The following RGS12 variants were observed in gnomAD, a reference collection of about 807,000 sequenced individuals.
The protein encoded by RGS12 is regulator of G protein signaling 12.
In RGS12, 66 loss-of-function variants were observed where a neutral mutation model predicts 120.1. That is an observed-to-expected ratio of 0.55 (90% CI 0.45 to 0.67). The LOEUF is 0.67. Among genes scored for constraint, RGS12 ranks in the 30% least tolerant of loss-of-function variants. RGS12 has a pLI of 0.00. For synonymous variants in RGS12, 827 were observed against 804.7 expected, an observed-to-expected ratio of 1.03 and a Z score of -0.47; for missense variants, 1,859 against 1,957.7, an observed-to-expected ratio of 0.95 and a Z score of 0.95.
At position 3,331,465 on chromosome 4, in the gene RGS12, G is replaced by A. The variant is rs565952772; in HGVS notation, c.1882-11472G>A. On this transcript the variant is annotated intron_variant, in intron 2 of 17. Coordinates refer to ENST00000336727, the MANE Select transcript of RGS12 (RefSeq NM_001394154.1). Reference sequence around the variant, plus strand: ...AATTATTTTAATAAGAACAAAGTCGGTGAGAGATGGCCTTGGAAACAAACT... The same window carrying A: ...AATTATTTTAATAAGAACAAAGTCGATGAGAGATGGCCTTGGAAACAAACT... Among the ~76,000 whole-genome samples the A allele has an allele frequency of 1.4e-4, 21 of 152,320 alleles. No homozygotes were observed. The South Asian group carries it at 4.4e-3, about 32-fold the overall frequency.
intron 2 of RGS12, 79 bp downstream of exon 2, chr4:3,318,130 C>A: frequency 1.6e-6 from 2 of 1,287,748 alleles, no homozygotes; most frequent in Non-Finnish European, 2.2e-6. Context: ...TCCCAGTCAC[C>A]AGCTTGCACA....
intron 1 of RGS12, among the ~76,000 whole-genome samples, chr4:3,303,938 T>G (rs1208137680): frequency 6.6e-6 from 1 of 152,118 alleles, no homozygotes; most frequent in Non-Finnish European, 1.5e-5. Context: ...ATCATTCATG[T>G]TTGCCATACT....
At chr4:3,364,600 C>G (rs367833727) in intron 3 of RGS12, among the ~76,000 whole-genome samples, 1 of 152,066 alleles carries the variant, frequency 6.6e-6, no homozygotes, top group South Asian at 2.1e-4. Flanking sequence ...GAGTGCCCGA[C>G]GCTCAGAGGG....
chr4:3,333,971 C>T (rs1222992449), intron 2 of RGS12, among the ~76,000 whole-genome samples: 1 of 152,088 alleles, frequency 6.6e-6, no homozygotes, highest in Non-Finnish European at 1.5e-5. Flanking sequence ...TTGTAATTTC[C>T]TTCATAAACA....
chr4:3,438,223 T>C lies in RGS12; in HGVS notation c.4115-1232T>C, dbSNP rs151049556. Among the ~76,000 whole-genome samples the C allele has an allele frequency of 1.9e-3, 288 of 152,216 alleles. 1 individual carries two copies. Among genetic ancestry groups the C allele is most frequent in the African/African-American group, 6.6e-3 (276 of 41,546 alleles). ...GCGCCTCAAGGCCTCCACCCTGGCATGGACATGACTGTCTCAGGGCCTCAG... is the reference window on the plus strand; with the variant it reads ...GCGCCTCAAGGCCTCCACCCTGGCACGGACATGACTGTCTCAGGGCCTCAG... On this transcript the variant is annotated intron_variant, in intron 17 of 17. Coordinates refer to ENST00000336727, the MANE Select transcript of RGS12 (RefSeq NM_001394154.1).
chr4:3,309,380 G>A (rs1228966057), intron 1 of RGS12, among the ~76,000 whole-genome samples: 18 of 136,438 alleles, frequency 1.3e-4, no homozygotes, highest in South Asian at 2.3e-4. Flanking sequence ...AACCGTGCAG[G>A]GGAGGAGCTG....
At chr4:3,437,409 C>A (rs112573447) in intron 17 of RGS12, among the ~76,000 whole-genome samples, 1 of 152,332 alleles carries the variant, frequency 6.6e-6, no homozygotes, top group African/African-American at 2.4e-5. Context: ...GTGTTGCAGG[C>A]CCCTTCAGAG....
At chr4:3,344,911 G>C (rs575646838) in intron 3 of RGS12, among the ~76,000 whole-genome samples, 1 of 152,374 alleles carries the variant, frequency 6.6e-6, no homozygotes, top group East Asian at 1.9e-4. Context: ...ACTCCTTGGA[G>C]AGGGATCTGA....
chr4:3,364,041 T>C (rs2108857661), intron 3 of RGS12, among the ~76,000 whole-genome samples: 1 of 152,362 alleles, frequency 6.6e-6, no homozygotes, highest in East Asian at 1.9e-4. Context: ...CCCTCTCCGA[T>C]TCTGCACGTG....
At chr4:3,387,518 G>A (rs963940513) in intron 4 of RGS12, among the ~76,000 whole-genome samples, 5 of 152,234 alleles carry the variant, frequency 3.3e-5, no homozygotes, top group Admixed American at 2.0e-4. Flanking sequence ...GGTTACACAC[G>A]CACTGGCACC....
chr4:3,289,320 A>C (rs1722963393), upstream of RGS12, among the ~76,000 whole-genome samples: 1 of 151,924 alleles, frequency 6.6e-6, no homozygotes, highest in Non-Finnish European at 1.5e-5. Context: ...CTCCTGCCTC[A>C]GTCTCCTGAG....
chr4:3,420,657 A>T lies in RGS12; in HGVS notation c.2777A>T (p.Asn926Ile). 1.2e-6 allele frequency: 2 copies of T among 1,613,622 alleles called. No homozygotes were observed. Among genetic ancestry groups the T allele is most frequent in the Non-Finnish European group, 1.7e-6 (2 of 1,180,028 alleles). The stretch of plus-strand genomic sequence containing the variant: ...CCCTGTCAAGACGCCCTGCATGCCA[A>T]TGGAGGCCTGTGTCGCCGAGAGTCG... Reference protein sequence around the residue: ...GDHADDALHANGGLCRRESQG... With the variant: ...GDHADDALHAIGGLCRRESQG... The change falls in exon 10 of 18, where the codon AAT becomes ATT. Residue 926 changes from asparagine (N) to isoleucine (I), a missense_variant. Around this residue, in one of 3 missense-constraint regions of RGS12, gnomAD observed 375 missense variants for 475.0 expected, o/e 0.79. Coordinates refer to ENST00000336727, the MANE Select transcript of RGS12 (RefSeq NM_001394154.1).
intron 4 of RGS12, among the ~76,000 whole-genome samples, chr4:3,391,056 T>C (rs572560101): frequency 2.0e-5 from 3 of 152,262 alleles, no homozygotes; most frequent in Non-Finnish European, 2.9e-5. Flanking sequence ...TTTCCAAAAA[T>C]GTTTGCTAAA....
intron 3 of RGS12, chr4:3,370,174 C>T (rs977092906): frequency 5.1e-6 from 8 of 1,570,744 alleles, no homozygotes; most frequent in Non-Finnish European, 6.9e-6. Context: ...GGAACTTCAT[C>T]GGAAATGCCT....
chr4:3,428,210 C>T lies in RGS12; in HGVS notation c.3411+41C>T, dbSNP rs766043248. 68 of 1,555,504 alleles carry T rather than the reference C, an allele frequency of 4.4e-5. No homozygotes were observed. In the Middle Eastern group the frequency reaches 6.7e-4, roughly 15 times the overall value. ...GGCCCACCCTGTGCCCTGCTCCTCT[C>T]GCTGTGGCCCCCGCCTGCCCTGCGC... On this transcript the variant is annotated intron_variant, in intron 15 of 17. Transcript: ENST00000336727.
intron 2 of RGS12, among the ~76,000 whole-genome samples, 195 bp from the exon 3 acceptor site, chr4:3,342,742 G>T (rs1411737612): frequency 2.7e-5 from 4 of 149,594 alleles, no homozygotes; most frequent in African/African-American, 7.4e-5. Flanking sequence ...TGGGATGACT[G>T]TTTTTTTTTC....
intron 2 of RGS12, chr4:3,324,657 A>G (rs550854407): frequency 6.6e-6 from 1 of 152,446 alleles, no homozygotes; most frequent in Admixed American, 6.5e-5. Context: ...CACTGCAGAA[A>G]TTCTTAGGGC....
At chr4:3,414,021 G>T in intron 4 of RGS12, 51 bp from the exon 5 acceptor site, 1 of 1,478,386 alleles carries the variant, frequency 6.8e-7, no homozygotes, top group Non-Finnish European at 9.0e-7. Flanking sequence ...AGCAGTCACT[G>T]GGCCGGGGCG....
intron 1 of RGS12, chr4:3,312,916 C>CA (rs76913216): frequency 0.047 from 6,744 of 144,314 alleles, 208 homozygotes; most frequent in African/African-American, 0.098. Context: ...CAGTTTTCTC[C>CA]AAAAAAAAAA....
Sources: gnomAD v4.1 joint callset for allele counts (sites outside exome capture counted in the v4.1 genomes callset) on GRCh38, gnomAD v4.1.1 for gene constraint, gnomAD v4.1.1 regional missense constraint, MANE v1.5 for transcripts, NCBI Gene and HGNC (gene_info 2026-07-23, HGNC 2026-07-21) for gene names.